Variants in RPS6KC1 observed in about 807,000 individuals in gnomAD.
RPS6KC1 encodes the protein ribosomal protein S6 kinase C1.
Under a neutral mutation model 103.8 loss-of-function variants are expected in RPS6KC1, and 54 were observed. The observed-to-expected ratio is 0.52, with a 90% confidence interval of 0.42 to 0.65. RPS6KC1 has a LOEUF of 0.65. Ranked by LOEUF, RPS6KC1 falls within the 30% of genes least tolerant of loss-of-function variation. RPS6KC1 has a pLI of 0.00. For synonymous variants in RPS6KC1, 439 were observed against 438.7 expected (o/e 1.00, Z -0.01); for missense variants, 1,151 against 1,253.8 (o/e 0.92, Z 1.24).
chr1:213,715,356 G>A, the RPS6KC1 span, among the ~76,000 whole-genome samples: 1 of 152,208 alleles, frequency 6.6e-6, no homozygotes, highest in African/African-American at 2.4e-5. Context: ...TTCATAGCGG[G>A]TAAGACCATC....
At chr1:213,725,690 G>T in the RPS6KC1 span, among the ~76,000 whole-genome samples, 168 of 152,320 alleles carry the variant, frequency 1.1e-3, no homozygotes, top group South Asian at 2.5e-3. Flanking sequence ...GGATAACCCT[G>T]CTCAACCAGA....
chr1:213,102,487 A>G (rs1261605712), intron 3 of RPS6KC1, among the ~76,000 whole-genome samples: 1 of 152,164 alleles, frequency 6.6e-6, no homozygotes, highest in Non-Finnish European at 1.5e-5. Flanking sequence ...TTTTAAAAAG[A>G]TTTCTGGGAA....
At chr1:213,814,391 C>T in the RPS6KC1 span, among the ~76,000 whole-genome samples, 720 of 152,280 alleles carry the variant, frequency 4.7e-3, 8 homozygotes, top group African/African-American at 0.017. Context: ...ATGTGGATGT[C>T]CTTTTCTCTG....
At chr1:213,516,441 G>A in the RPS6KC1 span, among the ~76,000 whole-genome samples, 1 of 152,134 alleles carries the variant, frequency 6.6e-6, no homozygotes, top group Non-Finnish European at 1.5e-5. Context: ...TAGCATGAAG[G>A]GTTGTTGAAT....
chr1:213,200,310 G>C (rs1226955803), intron 8 of RPS6KC1, among the ~76,000 whole-genome samples: 1 of 151,700 alleles, frequency 6.6e-6, no homozygotes, highest in African/African-American at 2.4e-5. Context: ...GAACAGAATA[G>C]AGAACCCAGA....
chr1:213,826,348 G>T, the RPS6KC1 span, among the ~76,000 whole-genome samples: 92 of 152,146 alleles, frequency 6.0e-4, no homozygotes, highest in African/African-American at 2.0e-3. Flanking sequence ...CTATAAACAA[G>T]TAATCACTGG....
At chr1:213,113,738 G>A (rs2083276098) in intron 4 of RPS6KC1, among the ~76,000 whole-genome samples, 1 of 152,030 alleles carries the variant, frequency 6.6e-6, no homozygotes, top group South Asian at 2.1e-4. Flanking sequence ...ATTTCTGTAT[G>A]AGGTGTAAGG....
the RPS6KC1 span, among the ~76,000 whole-genome samples, chr1:213,647,341 A>G: frequency 1.3e-3 from 195 of 152,336 alleles, 1 homozygote; most frequent in African/African-American, 4.0e-3. Flanking sequence ...TCACACCAAC[A>G]GGGAATGGCT....
the RPS6KC1 span, among the ~76,000 whole-genome samples, chr1:213,563,972 C>CTTTTTTTTTT: frequency 1.5e-5 from 2 of 134,394 alleles, no homozygotes; most frequent in Non-Finnish European, 3.2e-5. Flanking sequence ...TTGCTTACCT[C>CTTTTTTTTTT]TTTTTTTTTT....
rs576382606 is a variant in RPS6KC1 at position 213,111,506 on chromosome 1, AAC to A, written c.379-5809_379-5808del. 3.0e-3 allele frequency among the ~76,000 whole-genome samples: 457 copies of A among 152,270 alleles called. 2 individuals are homozygous for A. Among genetic ancestry groups the A allele is most frequent in the African/African-American group, 9.6e-3 (398 of 41,576 alleles). ...TTGTTCTTTCCTATTTATTTTTTAT[AAC>A]AGTGTTTGTTAAACTAGGTAAATAA... On this transcript the variant is annotated intron_variant, in intron 4 of 14. Transcript: ENST00000366960.
the RPS6KC1 span, among the ~76,000 whole-genome samples, chr1:213,646,897 A>ATTTTT: frequency 3.0e-4 from 45 of 150,534 alleles, no homozygotes; most frequent in Middle Eastern, 3.4e-3. Flanking sequence ...ATATATATAT[A>ATTTTT]TTTTTGTTTG....
At chr1:213,801,997 G>T in the RPS6KC1 span, among the ~76,000 whole-genome samples, 2 of 152,324 alleles carry the variant, frequency 1.3e-5, no homozygotes, top group East Asian at 3.9e-4. Flanking sequence ...AGGACAAGGT[G>T]TGTGCTATTT....
chr1:213,242,242 A>G lies in RPS6KC1; in HGVS notation c.2766A>G (p.Arg922=). Residue 922 remains arginine, a synonymous_variant, in exon 11 of 15, where the codon AGA becomes AGG. Transcript: ENST00000366960. ...EMVVALDALH[R]EGIVCRDLNP... The stretch of plus-strand genomic sequence containing the variant: ...TGGTAGCCCTTGATGCTTTACATAG[A>G]GAGGGAATTGTGTGCCGCGATTTGA... 6.2e-7 allele frequency: 1 copy of G among 1,613,984 alleles called. No homozygotes were observed. The highest frequency in any genetic ancestry group is 8.5e-7 in the Non-Finnish European group (1 of 1,179,890).
At chr1:213,529,903 G>A in the RPS6KC1 span, among the ~76,000 whole-genome samples, 1 of 152,134 alleles carries the variant, frequency 6.6e-6, no homozygotes. Flanking sequence ...TTTTGCTTGA[G>A]ATTGGGAGAT....
the RPS6KC1 span, among the ~76,000 whole-genome samples, chr1:213,785,357 T>A: frequency 6.6e-5 from 10 of 152,092 alleles, no homozygotes; most frequent in South Asian, 1.5e-3. Flanking sequence ...AAGGAGAGTA[T>A]CCTTGGAGAT....
At chr1:213,350,594 A>G in the RPS6KC1 span, among the ~76,000 whole-genome samples, 4 of 152,316 alleles carry the variant, frequency 2.6e-5, no homozygotes, top group East Asian at 7.7e-4. Flanking sequence ...ATAGAGCTGG[A>G]AGAGATCCAG....
the RPS6KC1 span, among the ~76,000 whole-genome samples, chr1:213,395,298 T>C: frequency 1.3e-5 from 2 of 152,192 alleles, no homozygotes; most frequent in Non-Finnish European, 2.9e-5. Flanking sequence ...GATGTGATCA[T>C]GTTTGTAAAG....
chr1:213,517,483 T>C, the RPS6KC1 span, among the ~76,000 whole-genome samples: 1 of 152,272 alleles, frequency 6.6e-6, no homozygotes, highest in East Asian at 1.9e-4. Context: ...CATTTCGTTA[T>C]GTACCCAGTA....
At chr1:213,341,940 A>C in the RPS6KC1 span, among the ~76,000 whole-genome samples, 1 of 152,212 alleles carries the variant, frequency 6.6e-6, no homozygotes, top group Non-Finnish European at 1.5e-5. Context: ...TAGAGTGCTT[A>C]GCTCATTGCT....
Sources: allele counts gnomAD v4.1 joint callset (sites outside exome capture counted in the v4.1 genomes callset), GRCh38; gene constraint gnomAD v4.1.1; transcripts MANE v1.5; gene names NCBI Gene and HGNC (gene_info 2026-07-23, HGNC 2026-07-21).